PLXNA4: variants seen among roughly 807,000 people sequenced by gnomAD.
The protein encoded by PLXNA4 is plexin A4.
In PLXNA4, 44 loss-of-function variants were observed where a neutral mutation model predicts 191.8. That is an observed-to-expected ratio of 0.23 (90% CI 0.18 to 0.29). The LOEUF (loss-of-function observed/expected upper bound fraction) is 0.29. Among genes scored for constraint, PLXNA4 ranks in the 10% least tolerant of loss-of-function variants. The probability of loss-of-function intolerance (pLI) is 1.00; values close to 1 mark genes in which losing one functional copy is unlikely to be tolerated. For missense variants in PLXNA4, 1,800 were observed against 2,488.8 expected, an observed-to-expected ratio of 0.72 and a Z score of 5.89; for synonymous variants, 1,082 against 1,009.5, an observed-to-expected ratio of 1.07 and a Z score of -1.36.
chr7:132,180,570 G>T lies in PLXNA4; in HGVS notation c.3639+16C>A. The T allele has an allele frequency of 6.2e-7, 1 of 1,614,082 alleles. No individual in the cohort carries two copies. Among genetic ancestry groups the T allele is most frequent in the Non-Finnish European group, 8.5e-7 (1 of 1,179,978 alleles). On this transcript the variant is annotated intron_variant, in intron 19 of 31. Transcript: ENST00000321063. Reference sequence around the variant, plus strand: ...TACTGCCCGCTCCATCCAGGATGGGGTTCTGCCAGCCTCACCATCACTTTG... The same window carrying T: ...TACTGCCCGCTCCATCCAGGATGGGTTTCTGCCAGCCTCACCATCACTTTG...
At chr7:132,321,311 T>A (rs1243144532) in intron 3 of PLXNA4, among the ~76,000 whole-genome samples, 1 of 151,824 alleles carries the variant, frequency 6.6e-6, no homozygotes, top group East Asian at 1.9e-4. Context: ...AAGCCCAGGA[T>A]GTGTGTGAAT....
At chr7:132,325,833 G>C (rs1802336229) in intron 3 of PLXNA4, among the ~76,000 whole-genome samples, 2 of 152,164 alleles carry the variant, frequency 1.3e-5, no homozygotes, top group African/African-American at 4.8e-5. Context: ...GTCACTCTTG[G>C]CACTACAGGG....
intron 1 of PLXNA4, among the ~76,000 whole-genome samples, chr7:132,523,049 C>T (rs1186616171): frequency 6.6e-6 from 1 of 151,974 alleles, no homozygotes; most frequent in Non-Finnish European, 1.5e-5. Flanking sequence ...GGGAAGATGG[C>T]CCATGTCTTC....
chr7:132,145,596 G>A (rs548405504), intron 28 of PLXNA4: 5 of 363,776 alleles, frequency 1.4e-5, no homozygotes, highest in African/African-American at 8.4e-5. Flanking sequence ...TTTCACAAAT[G>A]CTAATGAACA....
intron 1 of PLXNA4, among the ~76,000 whole-genome samples, chr7:132,572,769 G>A (rs963104891): frequency 2.6e-5 from 4 of 152,222 alleles, no homozygotes; most frequent in Admixed American, 6.5e-5. Context: ...GAGGGGATCA[G>A]GTGGGAGTCT....
At chr7:132,384,121 A>G (rs1326602529) in intron 3 of PLXNA4, 10 of 985,320 alleles carry the variant, frequency 1.0e-5, no homozygotes, top group Non-Finnish European at 1.2e-5. Context: ...AAGGTTCTCA[A>G]GAGCCCTCCT....
At chr7:132,644,262 C>A (rs563019798) in intron 2 of PLXNA4, among the ~76,000 whole-genome samples, 1 of 152,172 alleles carries the variant, frequency 6.6e-6, no homozygotes, top group East Asian at 1.9e-4. Context: ...CCTCATGGGA[C>A]GGTTGCAAGG....
intron 3 of PLXNA4, among the ~76,000 whole-genome samples, chr7:132,393,961 A>G (rs934215788): frequency 2.3e-4 from 34 of 150,158 alleles, no homozygotes; most frequent in Admixed American, 6.0e-4. Flanking sequence ...TGAGACACAG[A>G]CCACTAATTT....
chr7:132,358,634 G>C (rs1393361732), intron 3 of PLXNA4, among the ~76,000 whole-genome samples: 2 of 152,194 alleles, frequency 1.3e-5, no homozygotes, highest in African/African-American at 4.8e-5. Context: ...CAAATATTAA[G>C]TTGATGCCTA....
rs1301741186 is a variant in PLXNA4, at chr7:132,429,721, C to T, written c.1371+59571G>A. Among the ~76,000 whole-genome samples the T allele has an allele frequency of 3.3e-5, 5 of 152,192 alleles. No individual in the cohort carries two copies. In the South Asian group the frequency reaches 6.2e-4, roughly 19 times the overall value. On this transcript the variant is annotated intron_variant, in intron 3 of 31. Transcript: ENST00000321063. Reference sequence around the variant, plus strand: ...GTTGCTCTAGGATGTTGCTAGAAGACTTTGTGCTTCTCTGATTATTCCACA... The same window carrying T: ...GTTGCTCTAGGATGTTGCTAGAAGATTTTGTGCTTCTCTGATTATTCCACA...
chr7:132,606,172 G>C (rs536231367), intron 2 of PLXNA4, among the ~76,000 whole-genome samples: 60 of 152,250 alleles, frequency 3.9e-4, no homozygotes, highest in African/African-American at 1.4e-3. Flanking sequence ...TCAAATAAAA[G>C]AAAAGAAGCA....
chr7:132,321,545 C>T (rs992022183), intron 3 of PLXNA4, among the ~76,000 whole-genome samples: 20 of 152,154 alleles, frequency 1.3e-4, no homozygotes, highest in Non-Finnish European at 2.5e-4. Flanking sequence ...CATTTCTGAT[C>T]CCCTGGAAGG....
In PLXNA4 at chr7:132,133,146, G is replaced by A; in HGVS notation, c.5492C>T (p.Ala1831Val). ...CATCCGGGACTGCTCAGCCAGGTAT[G>A]CGTTCATGTCTTGGTCGCTGATGGC... The part of the protein sequence containing the change: ...MPAISDQDMN[A>V]YLAEQSRMHM... Residue 1831 changes from alanine to valine, a missense_variant, in exon 31 of 32, where the codon GCA becomes GTA. Physicochemically the swap from Ala to Val is moderately conservative, Grantham distance 64. This residue lies in a region of PLXNA4 where 83 missense variants were observed against 81.6 expected (regional missense o/e 1.02). Transcript: ENST00000321063. 2 of 1,614,192 alleles carry A rather than the reference G, an allele frequency of 1.2e-6. No homozygotes were observed. Among genetic ancestry groups the A allele is most frequent in the Non-Finnish European group, 1.7e-6 (2 of 1,180,032 alleles).
At chr7:132,196,798 T>C (rs1797267050) in intron 13 of PLXNA4, among the ~76,000 whole-genome samples, 1 of 152,214 alleles carries the variant, frequency 6.6e-6, no homozygotes, top group Non-Finnish European at 1.5e-5. Context: ...CCACTCCCTA[T>C]TGTTTTAATT....
At chr7:132,599,200 A>G (rs943881438) in intron 2 of PLXNA4, among the ~76,000 whole-genome samples, 10 of 152,096 alleles carry the variant, frequency 6.6e-5, no homozygotes, top group African/African-American at 1.9e-4. Context: ...CACTCCTCCT[A>G]TGATCTTTGC....
intron 3 of PLXNA4, among the ~76,000 whole-genome samples, chr7:132,393,380 A>G (rs562539290): frequency 6.6e-6 from 1 of 152,054 alleles, no homozygotes; most frequent in Non-Finnish European, 1.5e-5. Flanking sequence ...TCAAGAACCC[A>G]TGATCCAGAG....
intron 21 of PLXNA4, among the ~76,000 whole-genome samples, chr7:132,173,143 T>C (rs2116689851): frequency 6.6e-6 from 1 of 152,246 alleles, no homozygotes; most frequent in Admixed American, 6.5e-5. Context: ...TATCTTCTTG[T>C]CCCTCTTGTG....
At chr7:132,140,390 T>C (rs1795232951) in intron 30 of PLXNA4, among the ~76,000 whole-genome samples, 1 of 152,222 alleles carries the variant, frequency 6.6e-6, no homozygotes. Flanking sequence ...TGAGCTACCA[T>C]GGCAACCTCT....
At chr7:132,268,603 C>T (rs1799943040) in intron 4 of PLXNA4, among the ~76,000 whole-genome samples, 1 of 152,198 alleles carries the variant, frequency 6.6e-6, no homozygotes, top group Non-Finnish European at 1.5e-5. Flanking sequence ...GATCACCCCA[C>T]AGGCTGCTAA....
Sources: allele counts gnomAD v4.1 joint callset (sites outside exome capture counted in the v4.1 genomes callset), GRCh38; gene constraint gnomAD v4.1.1; regional missense constraint gnomAD v4.1.1; transcripts MANE v1.5; gene names NCBI Gene and HGNC (gene_info 2026-07-23, HGNC 2026-07-21).